Variants in FNDC3B observed in about 807,000 individuals in gnomAD.
FNDC3B encodes the protein fibronectin type III domain containing 3B, also known as fibronectin type III domain-containing protein 3B.
In FNDC3B, 12 loss-of-function variants were observed where a neutral mutation model predicts 151.5. The ratio of observed to expected loss-of-function variants is 0.08; its 90% CI spans 0.05 to 0.13. FNDC3B has a LOEUF of 0.13. Among genes scored for constraint, FNDC3B ranks in the 10% least tolerant of loss-of-function variants. The pLI is 1.00. For synonymous variants in FNDC3B, 528 were observed against 549.0 expected, an observed-to-expected ratio of 0.96 and a Z score of 0.54; for missense variants, 1,214 against 1,505.3, an observed-to-expected ratio of 0.81 and a Z score of 3.20.
chr3:172,235,826 G>A (rs75151797), intron 4 of FNDC3B, among the ~76,000 whole-genome samples: 3 of 152,126 alleles, frequency 2.0e-5, no homozygotes, highest in Non-Finnish European at 4.4e-5. Flanking sequence ...TGCCTGTTGG[G>A]TTAAGTCTGG....
chr3:172,221,795 T>C (rs1005201456), intron 3 of FNDC3B, among the ~76,000 whole-genome samples: 1 of 152,224 alleles, frequency 6.6e-6, no homozygotes, highest in African/African-American at 2.4e-5. Flanking sequence ...CATTAGACAT[T>C]TATGAGATTC....
At chr3:172,240,508 T>C (rs1001134510) in intron 4 of FNDC3B, among the ~76,000 whole-genome samples, 1 of 152,202 alleles carries the variant, frequency 6.6e-6, no homozygotes, top group East Asian at 1.9e-4. Context: ...AACTCAGGTA[T>C]CCTAATTCTC....
chr3:172,339,898 C>T (rs1733204581), intron 16 of FNDC3B, among the ~76,000 whole-genome samples: 1 of 152,172 alleles, frequency 6.6e-6, no homozygotes, highest in Non-Finnish European at 1.5e-5. Context: ...TTCATATGGC[C>T]TTAGTGCATG....
In FNDC3B at chr3:172,184,220, C is replaced by G. The variant is rs1335160667; in HGVS notation, c.188-42651C>G. On this transcript the variant is annotated intron_variant, in intron 3 of 25. Transcript: ENST00000415807. ...TCTGCGCTCTGCTGCTTCTTGTACC[C>G]TTTTACTCTTGTTCTTTTACTCAGC... The G allele has an allele frequency of 2.0e-5, 3 of 152,180 alleles. No homozygotes were observed. The East Asian group carries it at 5.8e-4, about 29-fold the overall frequency. 9.4% of individuals were successfully genotyped at this position (152,180 alleles called of 1,614,324 possible).
At chr3:172,235,993 T>A (rs945801480) in intron 4 of FNDC3B, among the ~76,000 whole-genome samples, 13 of 152,232 alleles carry the variant, frequency 8.5e-5, no homozygotes, top group African/African-American at 3.1e-4. Context: ...CTGATAGCTT[T>A]ATTCACATCT....
intron 3 of FNDC3B, among the ~76,000 whole-genome samples, chr3:172,219,874 T>C (rs1314212874): frequency 6.6e-6 from 1 of 152,212 alleles, no homozygotes; most frequent in Non-Finnish European, 1.5e-5. Context: ...TTCAGCTCTT[T>C]CTATCTTTTG....
At chr3:172,150,153 G>T (rs1722147559) in intron 3 of FNDC3B, among the ~76,000 whole-genome samples, 1 of 152,006 alleles carries the variant, frequency 6.6e-6, no homozygotes, top group South Asian at 2.1e-4. Flanking sequence ...GTTAAACTTG[G>T]CTGCATGTTT....
chr3:172,092,686 G>A (rs1306015898), intron 1 of FNDC3B, among the ~76,000 whole-genome samples: 1 of 152,216 alleles, frequency 6.6e-6, no homozygotes, highest in East Asian at 1.9e-4. Context: ...AACTGTGGGT[G>A]TCCTGGAAAA....
intron 10 of FNDC3B, 126 bp from the exon 11 acceptor site, chr3:172,310,702 A>T: frequency 1.3e-6 from 1 of 753,598 alleles, no homozygotes; most frequent in South Asian, 1.5e-5. Flanking sequence ...CGCAGGAACC[A>T]TCAGCTTTAT....
chr3:172,169,426 A>G (rs1357826403), intron 3 of FNDC3B, among the ~76,000 whole-genome samples: 1 of 152,224 alleles, frequency 6.6e-6, no homozygotes, highest in Non-Finnish European at 1.5e-5. Context: ...ATACTAAGAT[A>G]AATGCAGGGG....
In FNDC3B at chr3:172,040,467, C is replaced by T. The variant is rs183288040; in HGVS notation, c.-29+696C>T. On this transcript the variant is annotated intron_variant, in intron 1 of 25. Transcript: ENST00000415807. The surrounding 1 kb of genome is among the most constrained non-coding windows in gnomAD (Gnocchi z 6.6). Reference sequence around the variant, plus strand: ...CTGGCCACCTCCGAGCACGCCACGTCCTCCTCCCCGTCCTGCCCCCCGGGC... The same window carrying T: ...CTGGCCACCTCCGAGCACGCCACGTTCTCCTCCCCGTCCTGCCCCCCGGGC... 6.5e-3 allele frequency: 994 copies of T among 152,060 alleles called. 7 individuals carry two copies. Among genetic ancestry groups the T allele is most frequent in the Non-Finnish European group, 8.1e-3 (552 of 68,012 alleles). 9.4% of individuals were successfully genotyped at this position (152,060 alleles called of 1,614,324 possible).
intron 1 of FNDC3B, 75 bp from the exon 2 acceptor site, chr3:172,112,377 G>A (rs974444874): frequency 7.7e-6 from 6 of 776,914 alleles, no homozygotes; most frequent in African/African-American, 6.8e-5. Flanking sequence ...CACTTAGATT[G>A]TTATGTGACT....
Position 172,331,503 on chromosome 3 carries a change from G to A in FNDC3B, c.1554+788G>A, listed in dbSNP as rs147337490. Among the ~76,000 whole-genome samples the A allele has an allele frequency of 5.5e-4, 83 of 152,052 alleles. 1 individual carries two copies. Among genetic ancestry groups the A allele is most frequent in the African/African-American group, 1.7e-3 (69 of 41,470 alleles). The stretch of plus-strand genomic sequence containing the variant: ...TTCCCAAGTAGCTGGGACTACAGGC[G>A]CCCGCCACCACACCCGGCTAATTTT... On this transcript the variant is annotated intron_variant, in intron 13 of 25. Coordinates refer to ENST00000415807, the MANE Select transcript of FNDC3B (RefSeq NM_022763.4).
chr3:172,276,596 T>C (rs1032243431), intron 6 of FNDC3B, among the ~76,000 whole-genome samples: 2 of 152,150 alleles, frequency 1.3e-5, no homozygotes, highest in African/African-American at 4.8e-5. Flanking sequence ...GCTTTGACAA[T>C]GGAGAAAGGT....
At chr3:172,339,047 T>A (rs951424102) in intron 16 of FNDC3B, among the ~76,000 whole-genome samples, 6 of 151,402 alleles carry the variant, frequency 4.0e-5, no homozygotes, top group Non-Finnish European at 7.4e-5. Context: ...CACCATTAAA[T>A]TTTTTTTTAA....
chr3:172,071,997 TAAC>T (rs1717804561), intron 1 of FNDC3B, among the ~76,000 whole-genome samples: 1 of 151,786 alleles, frequency 6.6e-6, no homozygotes, highest in Non-Finnish European at 1.5e-5. Flanking sequence ...TACTGGCCCT[TAAC>T]AACTCTGCTG....
chr3:172,387,255 G>A (rs185620473), intron 25 of FNDC3B, among the ~76,000 whole-genome samples: 143 of 151,994 alleles, frequency 9.4e-4, no homozygotes, highest in Admixed American at 1.7e-3. Flanking sequence ...CACACCCAGC[G>A]GCTAATTTAT....
At chr3:172,342,824 A>AAC (rs949562859) in intron 17 of FNDC3B, among the ~76,000 whole-genome samples, 187 bp from the exon 18 acceptor site, 1 of 152,228 alleles carries the variant, frequency 6.6e-6, no homozygotes, top group African/African-American at 2.4e-5. Context: ...CCACCCTTAA[A>AAC]ACACACACAC....
intron 4 of FNDC3B, among the ~76,000 whole-genome samples, chr3:172,239,271 C>T (rs1483269572): frequency 6.6e-6 from 1 of 152,110 alleles, no homozygotes; most frequent in Non-Finnish European, 1.5e-5. Flanking sequence ...CTACCCATCC[C>T]CTGAGTCCAT....
Sources: gnomAD v4.1 joint callset for allele counts (sites outside exome capture counted in the v4.1 genomes callset) on GRCh38, gnomAD v4.1.1 for gene constraint, Gnocchi (gnomAD v3.1) non-coding constraint, MANE v1.5 for transcripts, NCBI Gene and HGNC (gene_info 2026-07-23, HGNC 2026-07-21) for gene names.